The following PSMB9 variants were observed in gnomAD, a reference collection of about 807,000 sequenced individuals.
PSMB9 encodes the protein proteasome subunit beta type-9.
A neutral mutation model predicts 26.9 loss-of-function variants in PSMB9; 16 were observed. The ratio of observed to expected loss-of-function variants is 0.59; its 90% CI spans 0.40 to 0.90. The LOEUF (loss-of-function observed/expected upper bound fraction) is 0.90, where lower values mean the gene tolerates loss of function less well. Ranked by LOEUF, PSMB9 falls within the 40% of genes least tolerant of loss-of-function variation. The pLI, the probability that PSMB9 is intolerant of heterozygous loss-of-function variation, is 0.00. For missense variants in PSMB9, 253 were observed against 292.2 expected (o/e 0.87, Z 0.98); for synonymous variants, 91 against 112.0 (o/e 0.81, Z 1.18).
At position 32,858,234 on chromosome 6, in the gene PSMB9, C is replaced by T. The variant is rs1771259122; in HGVS notation, c.390+100C>T. On this transcript the variant is annotated intron_variant, in intron 4 of 5. Coordinates refer to ENST00000374859, the MANE Select transcript of PSMB9 (RefSeq NM_002800.5). This position sits in a 1 kb window ranked among gnomAD's most constrained non-coding sequence, Gnocchi z 5.2. ...ATTCTAGCAATGAGTTCCAAGGACACTACCTCTGAAAGCATAGTACTTTGG... is the reference window on the plus strand; with the variant it reads ...ATTCTAGCAATGAGTTCCAAGGACATTACCTCTGAAAGCATAGTACTTTGG... The T allele has an allele frequency of 6.3e-7, 1 of 1,593,474 alleles. No individual in the cohort carries two copies. The highest frequency in any genetic ancestry group is 8.6e-7 in the Non-Finnish European group (1 of 1,167,348).
Position 32,854,295 on chromosome 6 carries a change from G to A in PSMB9, c.60+6G>A. The A allele has an allele frequency of 3.3e-6, 5 of 1,498,960 alleles. No homozygotes were observed. Among genetic ancestry groups the A allele is most frequent in the Non-Finnish European group, 4.4e-6 (5 of 1,126,456 alleles). 92.9% of individuals were successfully genotyped at this position (1,498,960 alleles called of 1,614,324 possible). On this transcript the variant is annotated splice_donor_region_variant and intron_variant, in intron 1 of 5. Transcript: ENST00000374859. This position sits in a 1 kb window ranked among gnomAD's most constrained non-coding sequence, Gnocchi z 4.6. ...CGGGAGAAGTCCACACCGGGGTAAT[G>A]GGTCTGGGCTTGAGGGTTGGCAGAG...
In PSMB9 at chr6:32,859,642, G is replaced by A. The variant is rs1053109528; in HGVS notation, c.*110G>A. The stretch of plus-strand genomic sequence containing the variant: ...GGGAGATGGAGCTTAGGGGAGGTGG[G>A]TGCTTCCCTCCTAGATGTCAGCATA... On this transcript the variant is annotated 3_prime_UTR_variant, in exon 6 of 6. Coordinates refer to ENST00000374859, the MANE Select transcript of PSMB9 (RefSeq NM_002800.5). 1.3e-5 allele frequency: 17 copies of A among 1,287,850 alleles called. No homozygotes were observed. The highest frequency in any genetic ancestry group is 1.6e-5 in the Non-Finnish European group (15 of 931,210). 79.8% of individuals were successfully genotyped at this position (1,287,850 alleles called of 1,614,324 possible).
chr6:32,858,619 C>A lies in PSMB9; in HGVS notation c.532+114C>A. Reference sequence around the variant, plus strand: ...GTGGCCATTTAAGTTAATGCCGGGCCTGGTACACTTTTAAGAGTGAAAAGG... The same window carrying A: ...GTGGCCATTTAAGTTAATGCCGGGCATGGTACACTTTTAAGAGTGAAAAGG... On this transcript the variant is annotated intron_variant, in intron 5 of 5. Transcript: ENST00000374859. This position sits in a 1 kb window ranked among gnomAD's most constrained non-coding sequence, Gnocchi z 5.2. 1.4e-6 allele frequency: 2 copies of A among 1,399,796 alleles called. No individual in the cohort carries two copies. Among genetic ancestry groups the A allele is most frequent in the Non-Finnish European group, 2.0e-6 (2 of 1,007,488 alleles). 86.7% of individuals were successfully genotyped at this position (1,399,796 alleles called of 1,614,324 possible).
rs1582652239 is a variant in PSMB9, at chr6:32,855,950, C to G, written c.61-188C>G. 6.9e-6 allele frequency: 4 copies of G among 581,790 alleles called. No homozygotes were observed. The East Asian group carries it at 1.1e-4, about 17-fold the overall frequency. The allele number at this position is 581,790 out of a possible 1,614,324, so 36.0% of individuals were successfully genotyped here. A position where few individuals can be genotyped will look rare whatever the true frequency, so the allele number is the denominator to read the frequency against. ...GCTGGGCTGTGGCATTCCCCTGCAGCCGGATGAAGCAATAGAGAAAGTGGA... is the reference window on the plus strand; with the variant it reads ...GCTGGGCTGTGGCATTCCCCTGCAGGCGGATGAAGCAATAGAGAAAGTGGA... On this transcript the variant is annotated intron_variant, in intron 1 of 5. Transcript: ENST00000374859.
In PSMB9 at chr6:32,859,723, G is replaced by A; in HGVS notation, c.*191G>A. On this transcript the variant is annotated 3_prime_UTR_variant, in exon 6 of 6. Coordinates refer to ENST00000374859, the MANE Select transcript of PSMB9 (RefSeq NM_002800.5). The stretch of plus-strand genomic sequence containing the variant: ...ACATCTTTCCTAGAGAAAACAAAAG[G>A]GACTAAACTAGAAATATAAAGAGCC... 1 of 616,134 alleles carries A rather than the reference G, an allele frequency of 1.6e-6. No individual in the cohort carries two copies. Among genetic ancestry groups the A allele is most frequent in the Non-Finnish European group, 2.7e-6 (1 of 374,174 alleles). 38.2% of individuals were successfully genotyped at this position (616,134 alleles called of 1,614,324 possible).
chr6:32,857,122 C>T (rs1771191771), intron 2 of PSMB9, 141 bp from the exon 3 acceptor site: 3 of 873,874 alleles, frequency 3.4e-6, no homozygotes, highest in Non-Finnish European at 4.8e-6. Flanking sequence ...ATCACTTGAA[C>T]CAGGGAGGCG....
Position 32,854,380 on chromosome 6 carries a change from G to A in PSMB9, c.60+91G>A, listed in dbSNP as rs111282068. The A allele has an allele frequency of 8.0e-7, 1 of 1,255,508 alleles. No homozygotes were observed. Among genetic ancestry groups the A allele is most frequent in the Non-Finnish European group, 1.1e-6 (1 of 936,246 alleles). The allele number at this position is 1,255,508 out of a possible 1,614,324, so 77.8% of individuals were successfully genotyped here. The stretch of plus-strand genomic sequence containing the variant: ...AAGCGCGCGCGGAGAAGTGAATGCA[G>A]AGACCAACGGGAGCGCAGGGAGGTC... On this transcript the variant is annotated intron_variant, in intron 1 of 5. Coordinates refer to ENST00000374859, the MANE Select transcript of PSMB9 (RefSeq NM_002800.5). The surrounding 1 kb of genome is among the most constrained non-coding windows in gnomAD (Gnocchi z 4.6).
Position 32,858,975 on chromosome 6 carries a change from C to T in PSMB9, c.533-430C>T, listed in dbSNP as rs1771300691. ...GCTGAGGTGGAAAGATCATCTGAGC[C>T]GGGGAGATCAAGGCTGTAGTGAGCG... On this transcript the variant is annotated intron_variant, in intron 5 of 5. Coordinates refer to ENST00000374859, the MANE Select transcript of PSMB9 (RefSeq NM_002800.5). This position sits in a 1 kb window ranked among gnomAD's most constrained non-coding sequence, Gnocchi z 5.2. 8.3e-6 allele frequency: 2 copies of T among 239,878 alleles called. No individual in the cohort carries two copies. The highest frequency in any genetic ancestry group is 5.2e-5 in the Admixed American group (1 of 19,074). The allele number at this position is 239,878 out of a possible 1,614,324, so 14.9% of individuals were successfully genotyped here.
intron 5 of PSMB9, among the ~76,000 whole-genome samples, chr6:32,859,198 A>C (rs566594003): frequency 6.6e-6 from 1 of 152,342 alleles, no homozygotes; most frequent in South Asian, 2.1e-4. Flanking sequence ...TAGCGGGAGC[A>C]TTTACACCAC....
In PSMB9 at chr6:32,854,365, G is replaced by A. The variant is rs963023773; in HGVS notation, c.60+76G>A. ...GCCAGGGGACCCTGGAAGCGCGCGC[G>A]GAGAAGTGAATGCAGAGACCAACGG... On this transcript the variant is annotated intron_variant, in intron 1 of 5. Transcript: ENST00000374859. This position sits in a 1 kb window ranked among gnomAD's most constrained non-coding sequence, Gnocchi z 4.6. 8.0e-6 allele frequency: 11 copies of A among 1,380,324 alleles called. No homozygotes were observed. Among genetic ancestry groups the A allele is most frequent in the Non-Finnish European group, 8.6e-6 (9 of 1,047,454 alleles). 85.5% of individuals were successfully genotyped at this position (1,380,324 alleles called of 1,614,324 possible).
In PSMB9 at chr6:32,854,257, G is replaced by C; in HGVS notation, c.28G>C (p.Asp10His). MLRAGAPTGDLPRAGEVHTG... is the reference protein window; with the variant it reads MLRAGAPTGHLPRAGEVHTG... Reference sequence around the variant, plus strand: ...GCTGCGGGCGGGAGCACCAACCGGGGACTTACCCCGGGCGGGAGAAGTCCA... The same window carrying C: ...GCTGCGGGCGGGAGCACCAACCGGGCACTTACCCCGGGCGGGAGAAGTCCA... Residue 10 changes from aspartate to histidine, a missense_variant, in exon 1 of 6, where the codon GAC becomes CAC. Transcript: ENST00000374859. The surrounding 1 kb of genome is among the most constrained non-coding windows in gnomAD (Gnocchi z 4.6). 1 of 1,530,538 alleles carries C rather than the reference G, an allele frequency of 6.5e-7. No homozygotes were observed. The allele number at this position is 1,530,538 out of a possible 1,614,324, so 94.8% of individuals were successfully genotyped here. A position where few individuals can be genotyped will look rare whatever the true frequency, so the allele number is the denominator to read the frequency against.
chr6:32,857,558 G>A, intron 3 of PSMB9, 164 bp downstream of exon 3: 1 of 873,756 alleles, frequency 1.1e-6, no homozygotes, highest in Non-Finnish European at 1.7e-6. Flanking sequence ...TCTGTAAAGT[G>A]GAGATAATAT....
In PSMB9 at chr6:32,858,368, A is replaced by G. The variant is rs748855142; in HGVS notation, c.395A>G (p.Tyr132Cys). 6.2e-7 allele frequency: 1 copy of G among 1,612,922 alleles called. No homozygotes were observed. The highest frequency in any genetic ancestry group is 1.7e-5 in the Admixed American group (1 of 60,026). The change falls in exon 5 of 6, where the codon TAT becomes TGT. Residue 132 changes from tyrosine to cysteine, a missense_variant. By Grantham distance (194) the Tyr-to-Cys change is radical. Transcript: ENST00000374859. The surrounding 1 kb of genome is among the most constrained non-coding windows in gnomAD (Gnocchi z 5.2). ...ACCTGAGGATCCCTTTCCCAGGTAT[A>G]TGGAACCCTGGGAGGAATGCTGACT... is the stretch of plus-strand genomic sequence containing the variant. ...GWDQREGGQV[Y>C]GTLGGMLTRQ... is the part of the protein sequence containing the mutation.
Position 32,858,684 on chromosome 6 carries a change from T to C in PSMB9, c.532+179T>C. On this transcript the variant is annotated intron_variant, in intron 5 of 5. Coordinates refer to ENST00000374859, the MANE Select transcript of PSMB9 (RefSeq NM_002800.5). This position sits in a 1 kb window ranked among gnomAD's most constrained non-coding sequence, Gnocchi z 5.2. ...AAAGCTCAATGGGGTTCTTGGGCAATACGGATAAACCAGGGCTGTTCTGAG... is the reference window on the plus strand; with the variant it reads ...AAAGCTCAATGGGGTTCTTGGGCAACACGGATAAACCAGGGCTGTTCTGAG... 1.3e-6 allele frequency: 1 copy of C among 762,092 alleles called. No homozygotes were observed. 47.2% of individuals were successfully genotyped at this position (762,092 alleles called of 1,614,324 possible). A position where few individuals can be genotyped will look rare whatever the true frequency, so the allele number is the denominator to read the frequency against.
chr6:32,857,929 A>G, intron 3 of PSMB9, 76 bp from the exon 4 acceptor site: 1 of 1,573,776 alleles, frequency 6.4e-7, no homozygotes, highest in African/African-American at 1.4e-5. Flanking sequence ...GGGGTCGTTT[A>G]GCAGGGATGA....
rs1771373819 is a variant in PSMB9 at position 32,859,733 on chromosome 6, A to G, written c.*201A>G. ...TAGAGAAAACAAAAGGGACTAAACT[A>G]GAAATATAAAGAGCCCTATACATGA... On this transcript the variant is annotated 3_prime_UTR_variant, in exon 6 of 6. Coordinates refer to ENST00000374859, the MANE Select transcript of PSMB9 (RefSeq NM_002800.5). 1.8e-6 allele frequency: 1 copy of G among 567,898 alleles called. No individual in the cohort carries two copies. 35.2% of individuals were successfully genotyped at this position (567,898 alleles called of 1,614,324 possible).
intron 5 of PSMB9, 143 bp from the exon 6 acceptor site, chr6:32,859,262 C>G (rs1771330080): frequency 9.3e-7 from 1 of 1,076,206 alleles, no homozygotes; most frequent in African/African-American, 1.6e-5. Flanking sequence ...ACTGATTTAC[C>G]AGCACACCAC....
At position 32,859,677 on chromosome 6, in the gene PSMB9, T is replaced by C; in HGVS notation, c.*145T>C. 1.1e-6 allele frequency: 1 copy of C among 950,698 alleles called. No homozygotes were observed. Among genetic ancestry groups the C allele is most frequent in the African/African-American group, 1.7e-5 (1 of 60,384 alleles). The allele number at this position is 950,698 out of a possible 1,614,324, so 58.9% of individuals were successfully genotyped here. The stretch of plus-strand genomic sequence containing the variant: ...CCTAGATGTCAGCATACACTCTTTC[T>C]TCTTTTGTCCCAGGTCTAAAACATC... On this transcript the variant is annotated 3_prime_UTR_variant, in exon 6 of 6. Coordinates refer to ENST00000374859, the MANE Select transcript of PSMB9 (RefSeq NM_002800.5).
rs1771288255 is a variant in PSMB9, at chr6:32,858,745, C to G, written c.532+240C>G. The G allele has an allele frequency of 1.7e-6, 1 of 598,968 alleles. No individual in the cohort carries two copies. Among genetic ancestry groups the G allele is most frequent in the Non-Finnish European group, 3.0e-6 (1 of 337,400 alleles). 37.1% of individuals were successfully genotyped at this position (598,968 alleles called of 1,614,324 possible). ...GAGGATACACAGTCACTGTGAGAAC[C>G]AGTGGTGTGCTAAGCACAGTGGCTC... On this transcript the variant is annotated intron_variant, in intron 5 of 5. Transcript: ENST00000374859. The surrounding 1 kb of genome is among the most constrained non-coding windows in gnomAD (Gnocchi z 5.2).
Sources: allele counts gnomAD v4.1 joint callset (sites outside exome capture counted in the v4.1 genomes callset), GRCh38; gene constraint gnomAD v4.1.1; non-coding constraint Gnocchi (gnomAD v3.1); transcripts MANE v1.5; gene names NCBI Gene and HGNC (gene_info 2026-07-23, HGNC 2026-07-21).